Variants in FHOD3 observed in about 807,000 individuals in gnomAD.
FHOD3 encodes FH1/FH2 domain-containing protein 3.
A neutral mutation model predicts 173.0 loss-of-function variants in FHOD3; 90 were observed. The observed-to-expected ratio is 0.52, with a 90% confidence interval of 0.44 to 0.62. The LOEUF is 0.62. Among genes scored for constraint, FHOD3 ranks in the 20% least tolerant of loss-of-function variants. The probability of loss-of-function intolerance (pLI) is 0.00; values close to 1 mark genes in which losing one functional copy is unlikely to be tolerated. For missense variants in FHOD3, 1,945 were observed against 2,034.7 expected, an observed-to-expected ratio of 0.96 and a Z score of 0.85; for synonymous variants, 828 against 823.0, an observed-to-expected ratio of 1.01 and a Z score of -0.10.
At chr18:36,754,282 G>C (rs889172594) in intron 24 of FHOD3, among the ~76,000 whole-genome samples, 1 of 152,108 alleles carries the variant, frequency 6.6e-6, no homozygotes, top group Non-Finnish European at 1.5e-5. Flanking sequence ...GTGCAAATTA[G>C]AGTGATCAAA....
chr18:36,306,742 C>T (rs185921374), intron 1 of FHOD3, among the ~76,000 whole-genome samples: 1 of 152,248 alleles, frequency 6.6e-6, no homozygotes, highest in East Asian at 1.9e-4. Flanking sequence ...GAGCCTAGAA[C>T]AGCGTCTGGC....
chr18:36,329,785 A>G (rs2044889025), intron 1 of FHOD3, among the ~76,000 whole-genome samples: 2 of 150,414 alleles, frequency 1.3e-5, no homozygotes, highest in African/African-American at 4.9e-5. Context: ...CCCAAGAGCC[A>G]CATCCCAACA....
At position 36,653,302 on chromosome 18, in the gene FHOD3, T is replaced by A. The variant is rs750097081; in HGVS notation, c.1647-40T>A. On this transcript the variant is annotated intron_variant, in intron 12 of 28. Transcript: ENST00000590592. ...ATGTATCAAAGTCCTTTGCTATCTTTCCGTGCCACATTGTGAGCGGGCTTT... is the reference window on the plus strand; with the variant it reads ...ATGTATCAAAGTCCTTTGCTATCTTACCGTGCCACATTGTGAGCGGGCTTT... 3 of 1,444,318 alleles carry A rather than the reference T, an allele frequency of 2.1e-6. No individual in the cohort carries two copies. The South Asian group carries it at 3.8e-5, about 18-fold the overall frequency. The allele number at this position is 1,444,318 out of a possible 1,614,324, so 89.5% of individuals were successfully genotyped here.
chr18:36,474,024 G>A (rs934516975), intron 3 of FHOD3, among the ~76,000 whole-genome samples: 1 of 152,198 alleles, frequency 6.6e-6, no homozygotes, highest in African/African-American at 2.4e-5. Flanking sequence ...GTGACATCCA[G>A]GTTCTCTAAG....
intron 3 of FHOD3, among the ~76,000 whole-genome samples, chr18:36,386,819 C>CCT (rs1327985423): frequency 2.0e-5 from 3 of 152,166 alleles, no homozygotes; most frequent in Non-Finnish European, 2.9e-5. Context: ...ACTCATAGGG[C>CCT]CTCCAGGCTG....
chr18:36,721,104 C>T (rs1028599069), intron 19 of FHOD3, among the ~76,000 whole-genome samples: 3 of 152,192 alleles, frequency 2.0e-5, no homozygotes, highest in African/African-American at 7.2e-5. Flanking sequence ...TTGCCTGAAG[C>T]AGGTAGTGAC....
chr18:36,299,334 G>A (rs549753391), intron 1 of FHOD3, among the ~76,000 whole-genome samples: 1 of 152,226 alleles, frequency 6.6e-6, no homozygotes, highest in African/African-American at 2.4e-5. Context: ...TCATCATCCA[G>A]AGTGATGTAT....
chr18:36,323,546 C>T (rs1424616248), intron 1 of FHOD3, among the ~76,000 whole-genome samples: 5 of 152,234 alleles, frequency 3.3e-5, no homozygotes, highest in Middle Eastern at 3.4e-3. Context: ...GCACTTGATC[C>T]CAGGGACAGA....
intron 5 of FHOD3, among the ~76,000 whole-genome samples, chr18:36,551,673 A>G (rs1372391569): frequency 6.6e-6 from 1 of 152,146 alleles, no homozygotes; most frequent in Non-Finnish European, 1.5e-5. Flanking sequence ...GAATTTTTGT[A>G]TAAGGTGTAA....
chr18:36,518,796 G>GT (rs1273785770), intron 5 of FHOD3, among the ~76,000 whole-genome samples: 2 of 152,178 alleles, frequency 1.3e-5, no homozygotes, highest in South Asian at 2.1e-4. Context: ...ACCACGTGGT[G>GT]TTTGCTTTTT....
At position 36,375,404 on chromosome 18, in the gene FHOD3, C is replaced by T. The variant is rs117919154; in HGVS notation, c.337+2660C>T. On this transcript the variant is annotated intron_variant, in intron 3 of 28. Coordinates refer to ENST00000590592, the MANE Select transcript of FHOD3 (RefSeq NM_001281740.3). The stretch of plus-strand genomic sequence containing the variant: ...GCACCACATGCAACTCCCCTGAAGA[C>T]GTTCCTTCCACCCACGATTGGACTG... 2.0e-3 allele frequency among the ~76,000 whole-genome samples: 300 copies of T among 152,314 alleles called. 6 individuals are homozygous for T. The East Asian group carries it at 0.047, about 24-fold the overall frequency.
chr18:36,652,272 C>T (rs1449824328), intron 11 of FHOD3, among the ~76,000 whole-genome samples: 1 of 152,216 alleles, frequency 6.6e-6, no homozygotes, highest in Non-Finnish European at 1.5e-5. Context: ...TTTGGGGCTC[C>T]AGTAAATTCC....
chr18:36,519,897 A>AT (rs1325002822), intron 5 of FHOD3, among the ~76,000 whole-genome samples: 1 of 150,286 alleles, frequency 6.7e-6, no homozygotes, highest in African/African-American at 2.4e-5. Context: ...TTTTCCTGTG[A>AT]TTAGTGAATG....
intron 1 of FHOD3, among the ~76,000 whole-genome samples, chr18:36,329,750 G>A (rs1159280588): frequency 6.6e-6 from 1 of 152,180 alleles, no homozygotes; most frequent in East Asian, 1.9e-4. Context: ...CAATGCAACA[G>A]ATGTCTTGAG....
chr18:36,401,518 G>A (rs888013111), intron 3 of FHOD3, among the ~76,000 whole-genome samples: 1 of 152,186 alleles, frequency 6.6e-6, no homozygotes, highest in Admixed American at 6.5e-5. Flanking sequence ...AGGAGGGGTG[G>A]GCACATGTCT....
chr18:36,418,642 G>C (rs2049803830), intron 3 of FHOD3, among the ~76,000 whole-genome samples: 1 of 152,266 alleles, frequency 6.6e-6, no homozygotes, highest in African/African-American at 2.4e-5. Context: ...GCCAGTTGTG[G>C]TGGCTCACAC....
At chr18:36,488,433 G>A (rs745808863) in intron 3 of FHOD3, among the ~76,000 whole-genome samples, 1 of 152,166 alleles carries the variant, frequency 6.6e-6, no homozygotes, top group Non-Finnish European at 1.5e-5. Context: ...GCCCAGCTGG[G>A]GCCTGTCTGA....
intron 3 of FHOD3, among the ~76,000 whole-genome samples, chr18:36,495,190 C>T (rs2054679333): frequency 6.6e-6 from 1 of 152,146 alleles, no homozygotes; most frequent in Non-Finnish European, 1.5e-5. Context: ...ATCTGCCGGC[C>T]CTGGCCTCCC....
chr18:36,410,688 A>G (rs1449323785), intron 3 of FHOD3, among the ~76,000 whole-genome samples: 1 of 152,122 alleles, frequency 6.6e-6, no homozygotes, highest in Non-Finnish European at 1.5e-5. Flanking sequence ...CGTTGATTAT[A>G]GCTGTTTTTA....
Sources: gnomAD v4.1 joint callset for allele counts (sites outside exome capture counted in the v4.1 genomes callset) on GRCh38, gnomAD v4.1.1 for gene constraint, MANE v1.5 for transcripts, NCBI Gene and HGNC (gene_info 2026-07-23, HGNC 2026-07-21) for gene names.